MORN3: variants seen among roughly 807,000 people sequenced by gnomAD.
MORN3 encodes the protein MORN repeat-containing protein 3.
MORN3 carries 38 observed loss-of-function variants against 34.7 expected under a neutral mutation model. That is an observed-to-expected ratio of 1.10 (90% CI 0.85 to 1.44). MORN3 has a LOEUF of 1.44. Ranked by LOEUF, MORN3 falls within the 40% of genes most tolerant of loss-of-function variation. The pLI is 0.00. For synonymous variants in MORN3, 109 were observed against 115.3 expected (o/e 0.95, Z 0.35); for missense variants, 311 against 321.7 (o/e 0.97, Z 0.25).
intron 2 of MORN3, among the ~76,000 whole-genome samples, 162 bp from the exon 3 acceptor site, chr12:121,654,595 T>TTTTG (rs1328175376): frequency 1.4e-3 from 216 of 151,846 alleles, no homozygotes; most frequent in Non-Finnish European, 2.5e-3. Context: ...ATCCTGTCTT[T>TTTTG]TTTGTTTGTT....
chr12:121,657,314 C>T (rs782463744), intron 2 of MORN3, among the ~76,000 whole-genome samples: 2 of 152,214 alleles, frequency 1.3e-5, no homozygotes, highest in Middle Eastern at 3.2e-3. Flanking sequence ...CCTCACTAAA[C>T]TGCTCCTAAG....
upstream of MORN3, among the ~76,000 whole-genome samples, chr12:121,671,532 C>T (rs371108938): frequency 9.2e-5 from 14 of 152,180 alleles, no homozygotes; most frequent in East Asian, 1.7e-3. Context: ...CAATTTAAGT[C>T]TTAGCTAGAT....
rs1594239117 is a variant in MORN3, at chr12:121,669,435, A to C, written c.49T>G (p.Trp17Gly). Residue 17 changes from tryptophan (W) to glycine (G), a missense_variant, in exon 1 of 6, where the codon TGG becomes GGG. Physicochemically the swap from Trp to Gly is radical, Grantham distance 184 (BLOSUM62 -2). Transcript: ENST00000355329. ...PKKSESLWKG[W>G]DRKAQRNGLR... Reference sequence around the variant, plus strand: ...CCGTTCCTCTGGGCCTTCCGGTCCCACCCCTTCCACAGGGACTCCGACTTT... The same window carrying C: ...CCGTTCCTCTGGGCCTTCCGGTCCCCCCCCTTCCACAGGGACTCCGACTTT... The C allele has an allele frequency of 6.2e-7, 1 of 1,613,882 alleles. No individual in the cohort carries two copies. Among genetic ancestry groups the C allele is most frequent in the Non-Finnish European group, 8.5e-7 (1 of 1,179,900 alleles).
chr12:121,653,150 A>G lies in MORN3; in HGVS notation c.573T>C (p.Asn191=). 6.2e-7 allele frequency: 1 copy of G among 1,614,090 alleles called. No homozygotes were observed. The highest frequency in any genetic ancestry group is 8.5e-7 in the Non-Finnish European group (1 of 1,180,008). ...CGATCATCGTCCCGCATTTGGCCATATTGTCCACCCAGAAGCCTTCAAACA... is the reference window on the plus strand; with the variant it reads ...CGATCATCGTCCCGCATTTGGCCATGTTGTCCACCCAGAAGCCTTCAAACA... ...GQLFEGFWVD[N]MAKCGTMIDF... Residue 191 remains asparagine (N), a synonymous_variant, in exon 4 of 6, where the codon AAT becomes AAC. Coordinates refer to ENST00000355329, the MANE Select transcript of MORN3 (RefSeq NM_173855.5).
At chr12:121,669,111 C>G (rs1310087588) in intron 1 of MORN3, among the ~76,000 whole-genome samples, 1 of 152,256 alleles carries the variant, frequency 6.6e-6, no homozygotes, top group African/African-American at 2.4e-5. Context: ...TCAAGACCCT[C>G]TGTCCACTGC....
At position 121,659,533 on chromosome 12, in the gene MORN3, T is replaced by C. The variant is rs546591660; in HGVS notation, c.146-185A>G. ...AAAGTTCCATTTCTTTCTTTCTTTC[T>C]TTCTTTCTTTTTTTTTTTTGAGGCA... On this transcript the variant is annotated intron_variant, in intron 1 of 5. Transcript: ENST00000355329. Among the ~76,000 whole-genome samples the C allele has an allele frequency of 2.7e-5, 4 of 149,728 alleles. No homozygotes were observed. The South Asian group carries it at 8.4e-4, about 31-fold the overall frequency.
At chr12:121,659,943 G>A (rs1003470445) in intron 1 of MORN3, among the ~76,000 whole-genome samples, 6 of 152,000 alleles carry the variant, frequency 3.9e-5, no homozygotes, top group Admixed American at 6.6e-5. Flanking sequence ...CTGAAAAACT[G>A]TGCCTGGAGG....
chr12:121,669,385 C>G lies in MORN3; in HGVS notation c.99G>C (p.Val33=), dbSNP rs1392352172. 1 of 1,614,058 alleles carries G rather than the reference C, an allele frequency of 6.2e-7. No homozygotes were observed. Among genetic ancestry groups the G allele is most frequent in the Non-Finnish European group, 8.5e-7 (1 of 1,179,958 alleles). The change falls in exon 1 of 6, where the codon GTG becomes GTC. Residue 33 remains valine, a synonymous_variant. Coordinates refer to ENST00000355329, the MANE Select transcript of MORN3 (RefSeq NM_173855.5). The part of the protein sequence containing the change: ...RNGLRSQVYA[V]NGDYYVGEWK... ...ACTCGCCCACATAGTAGTCGCCATT[C>G]ACAGCGTATACCTGGCTCCGCAGGC...
intron 3 of MORN3, 75 bp from the exon 4 acceptor site, chr12:121,653,334 A>G: frequency 2.0e-6 from 3 of 1,475,274 alleles, no homozygotes; most frequent in Non-Finnish European, 2.7e-6. Context: ...GCTCTTCCAG[A>G]GCTCAGTGCA....
At chr12:121,654,067 CATATAA>C (rs1189259919) in intron 3 of MORN3, among the ~76,000 whole-genome samples, 5 of 152,110 alleles carry the variant, frequency 3.3e-5, no homozygotes, top group African/African-American at 4.8e-5. Context: ...CTAAAAATTT[CATATAA>C]ATAGCATCAT....
At chr12:121,668,297 C>A (rs900116403) in intron 1 of MORN3, among the ~76,000 whole-genome samples, 1 of 150,802 alleles carries the variant, frequency 6.6e-6, no homozygotes, top group African/African-American at 2.4e-5. Context: ...AATCCCAGCA[C>A]TTTGGGAGGC....
intron 1 of MORN3, among the ~76,000 whole-genome samples, 192 bp from the exon 2 acceptor site, chr12:121,659,540 C>CT (rs774070915): frequency 0.031 from 4,278 of 135,822 alleles, 94 homozygotes; most frequent in African/African-American, 0.064. Flanking sequence ...TTCTTTCTTT[C>CT]TTTTTTTTTT....
intron 1 of MORN3, among the ~76,000 whole-genome samples, chr12:121,661,729 AGCTGGGCGTGGTGGT>A (rs1230180650): frequency 6.6e-6 from 1 of 152,070 alleles, no homozygotes; most frequent in African/African-American, 2.4e-5. Context: ...TACAAAAATT[AGCTGGGCGTGGTGGT>A]GCTTGCCTGT....
At chr12:121,655,436 G>C (rs570739552) in intron 2 of MORN3, among the ~76,000 whole-genome samples, 40 of 151,966 alleles carry the variant, frequency 2.6e-4, no homozygotes, top group African/African-American at 7.5e-4. Flanking sequence ...TTAGCCTGGC[G>C]TGGTGGCTTA....
chr12:121,666,311 G>C (rs986397942), intron 1 of MORN3, among the ~76,000 whole-genome samples: 3 of 151,834 alleles, frequency 2.0e-5, no homozygotes, highest in Non-Finnish European at 4.4e-5. Flanking sequence ...GTGAGCTACC[G>C]CACCTGGCAA....
In MORN3 at chr12:121,652,726, A is replaced by G; in HGVS notation, c.*6+2T>C. 1.2e-6 allele frequency: 2 copies of G among 1,613,952 alleles called. No homozygotes were observed. The highest frequency in any genetic ancestry group is 1.7e-6 in the Non-Finnish European group (2 of 1,179,886). ...AACTTGGCAGGTGTGCCCACCCCTC[A>G]CCTGGCATCAATCTCCTTCCTCTGT... On this transcript the variant is annotated splice_donor_variant, in intron 5 of 5. Coordinates refer to ENST00000355329, the MANE Select transcript of MORN3 (RefSeq NM_173855.5). LOFTEE classifies it low-confidence loss of function (3UTR_SPLICE).
chr12:121,671,232 C>G (rs1893959036), upstream of MORN3, among the ~76,000 whole-genome samples: 1 of 150,740 alleles, frequency 6.6e-6, no homozygotes. Flanking sequence ...ATGGTGAAAC[C>G]CCGTCTCTAC....
rs1052632077 is a variant in MORN3 at position 121,649,007 on chromosome 12, G to A, written c.*2644C>T. On this transcript the variant is annotated 3_prime_UTR_variant, in exon 6 of 6. Coordinates refer to ENST00000355329, the MANE Select transcript of MORN3 (RefSeq NM_173855.5). ...GAGAGCAGCGGCACGATCTCGGCTC[G>A]GCGTGATCTTGGCTCACCACTACCT... The A allele has an allele frequency of 3.3e-5, 5 of 150,758 alleles. No homozygotes were observed. The highest frequency in any genetic ancestry group is 1.2e-4 in the African/African-American group (5 of 40,834). 9.3% of individuals were successfully genotyped at this position (150,758 alleles called of 1,614,324 possible).
chr12:121,658,565 CAAAAAAA>C (rs62682762), intron 2 of MORN3, among the ~76,000 whole-genome samples: 16 of 68,808 alleles, frequency 2.3e-4, no homozygotes, highest in Non-Finnish European at 3.9e-4. Flanking sequence ...GACTCCCTCT[CAAAAAAA>C]AAAAAAAAAA....
Sources: allele counts gnomAD v4.1 joint callset (sites outside exome capture counted in the v4.1 genomes callset), GRCh38; gene constraint gnomAD v4.1.1; transcripts MANE v1.5; gene names NCBI Gene and HGNC (gene_info 2026-07-23, HGNC 2026-07-21).